Variants in DHTKD1 observed in about 807,000 individuals in gnomAD.
DHTKD1 encodes the protein 2-oxoadipate dehydrogenase complex component E1.
DHTKD1 carries 78 observed loss-of-function variants against 101.8 expected under a neutral mutation model. The observed-to-expected ratio is 0.77, with a 90% CI of 0.64 to 0.93. The LOEUF is 0.93. DHTKD1 is among the 40% of genes least tolerant of loss of function. DHTKD1 has a pLI of 0.00. For missense variants in DHTKD1, 1,223 were observed against 1,161.7 expected, an observed-to-expected ratio of 1.05 and a Z score of -0.77; for synonymous variants, 462 against 450.3, an observed-to-expected ratio of 1.03 and a Z score of -0.33.
chr10:12,116,942 C>G (rs1833426567), intron 13 of DHTKD1, among the ~76,000 whole-genome samples: 1 of 151,954 alleles, frequency 6.6e-6, no homozygotes. Context: ...TTCAAGCAAT[C>G]CACCTGCCTC....
chr10:12,096,597 G>A (rs918775070), intron 7 of DHTKD1, among the ~76,000 whole-genome samples: 5 of 152,160 alleles, frequency 3.3e-5, no homozygotes, highest in Non-Finnish European at 7.4e-5. Context: ...CCATCTGCCC[G>A]TCTCGGCCTC....
chr10:12,077,707 G>A (rs562572854), intron 1 of DHTKD1, among the ~76,000 whole-genome samples: 5 of 152,314 alleles, frequency 3.3e-5, no homozygotes, highest in South Asian at 2.1e-4. Flanking sequence ...GAGGGCCTAC[G>A]TTTGTCTTCA....
At chr10:12,075,933 G>T (rs973726278) in intron 1 of DHTKD1, among the ~76,000 whole-genome samples, 1 of 144,432 alleles carries the variant, frequency 6.9e-6, no homozygotes. Flanking sequence ...GACAGAGCGA[G>T]ACTCTGTCTC....
chr10:12,094,480 C>T (rs142040879), intron 7 of DHTKD1, among the ~76,000 whole-genome samples: 18 of 152,052 alleles, frequency 1.2e-4, no homozygotes, highest in Admixed American at 3.9e-4. Context: ...GGATTACAGG[C>T]GTGTGCCACC....
At chr10:12,071,080 A>G (rs1832643637) in intron 1 of DHTKD1, among the ~76,000 whole-genome samples, 1 of 152,162 alleles carries the variant, frequency 6.6e-6, no homozygotes, top group Admixed American at 6.6e-5. Context: ...AATGCCATAT[A>G]TATTTTTAGG....
intron 7 of DHTKD1, 179 bp downstream of exon 7, chr10:12,094,450 C>T: frequency 1.6e-6 from 1 of 632,402 alleles, no homozygotes; most frequent in Non-Finnish European, 2.8e-6. Flanking sequence ...ATCCTCTTGC[C>T]TCAACCTCCC....
chr10:12,079,027 C>T (rs965341609), intron 1 of DHTKD1, among the ~76,000 whole-genome samples: 2 of 152,076 alleles, frequency 1.3e-5, no homozygotes, highest in Non-Finnish European at 2.9e-5. Context: ...GGGGGGAGAT[C>T]GCTCAGAGAG....
At chr10:12,108,092 A>T in intron 12 of DHTKD1, 77 bp downstream of exon 12, 1 of 1,026,128 alleles carries the variant, frequency 9.7e-7, no homozygotes, top group Non-Finnish European at 1.5e-6. Flanking sequence ...CGGATAGCTT[A>T]ACGCCCACCT....
At position 12,098,128 on chromosome 10, in the gene DHTKD1, T is replaced by G. The variant is rs926907862; in HGVS notation, c.1671+132T>G. 1.7e-5 allele frequency: 14 copies of G among 816,328 alleles called. No homozygotes were observed. In the African/African-American group the frequency reaches 2.1e-4, roughly 12 times the overall value. The allele number at this position is 816,328 out of a possible 1,614,324, so 50.6% of individuals were successfully genotyped here. On this transcript the variant is annotated intron_variant, in intron 8 of 16. Coordinates refer to ENST00000263035, the MANE Select transcript of DHTKD1 (RefSeq NM_018706.7). ...TTGTGTGTCGTTAGGTTCTAGAAAC[T>G]GATCCTAGTGTTGTTTTGGTACTGA... is the stretch of plus-strand genomic sequence containing the variant.
At chr10:12,097,580 T>G (rs1312439803) in intron 7 of DHTKD1, 104 bp from the exon 8 acceptor site, 1 of 1,065,216 alleles carries the variant, frequency 9.4e-7, no homozygotes, top group Non-Finnish European at 1.3e-6. Context: ...GTCGAATGCC[T>G]TTTTAGAGTG....
At chr10:12,082,908 G>T (rs1024579461) in intron 2 of DHTKD1, among the ~76,000 whole-genome samples, 1 of 151,858 alleles carries the variant, frequency 6.6e-6, no homozygotes, top group South Asian at 2.1e-4. Context: ...AGGCCGAGGC[G>T]GGCAGATCAC....
chr10:12,101,182 G>T lies in DHTKD1; in HGVS notation c.1896+1G>T. The T allele has an allele frequency of 6.2e-7, 1 of 1,611,228 alleles. No homozygotes were observed. Among genetic ancestry groups the T allele is most frequent in the Non-Finnish European group, 8.5e-7 (1 of 1,179,240 alleles). On this transcript the variant is annotated splice_donor_variant, in intron 10 of 16. Coordinates refer to ENST00000263035, the MANE Select transcript of DHTKD1 (RefSeq NM_018706.7). LOFTEE classifies it high-confidence loss of function. ...CCCAAATCAGAAGGGGTTTCTAGAG[G>T]TGAGATGTTTCTATAGCTGTTGTAA...
intron 5 of DHTKD1, among the ~76,000 whole-genome samples, chr10:12,090,979 C>G (rs7073177): frequency 0.75 from 113,199 of 151,940 alleles, 42,647 homozygotes; most frequent in South Asian, 0.87. Flanking sequence ...GCGTGAACCC[C>G]GGAGGCGGAG....
At position 12,069,185 on chromosome 10, in the gene DHTKD1, C is replaced by G. The variant is rs768842115; in HGVS notation, c.152C>G (p.Pro51Arg). The G allele has an allele frequency of 4.5e-6, 7 of 1,547,362 alleles. No individual in the cohort carries two copies. The South Asian group carries it at 5.9e-5, about 13-fold the overall frequency. ...CCCCAGGGCGCCCTGGAGCGCCCCC[C>G]AGGTCGGGGATGGGGCCCGGGCGGT... ...REPQGALERP[P>R]VDHGLARLVT... Residue 51 changes from proline to arginine, a missense_variant and splice_region_variant, in exon 1 of 17, where the codon CCA becomes CGA. Coordinates refer to ENST00000263035, the MANE Select transcript of DHTKD1 (RefSeq NM_018706.7).
rs1833034016 is a variant in DHTKD1, at chr10:12,094,179, T to A, written c.1266T>A (p.Asp422Glu). The A allele has an allele frequency of 1.2e-6, 2 of 1,614,140 alleles. No homozygotes were observed. The highest frequency in any genetic ancestry group is 1.7e-5 in the Admixed American group (1 of 60,006). ...AFEYQRQFRK[D>E]VIIDLLCYRQ... The stretch of plus-strand genomic sequence containing the variant: ...AATACCAACGCCAGTTCCGCAAGGA[T>A]GTGATTATTGATCTGTTGTGCTACA... Residue 422 changes from aspartate to glutamate, a missense_variant, in exon 7 of 17, where the codon GAT (aspartate) becomes GAA (glutamate). Physicochemically the swap from Asp to Glu is conservative, Grantham distance 45. Coordinates refer to ENST00000263035, the MANE Select transcript of DHTKD1 (RefSeq NM_018706.7).
rs1564393956 is a variant in DHTKD1 at position 12,097,768 on chromosome 10, A to G, written c.1443A>G (p.Lys481=). 2 of 1,614,212 alleles carry G rather than the reference A, an allele frequency of 1.2e-6. No individual in the cohort carries two copies. Among genetic ancestry groups the G allele is most frequent in the Non-Finnish European group, 1.7e-6 (2 of 1,180,022 alleles). ...LMTQEEVSEI[K]SSYYAKLNDH... is the part of the protein sequence containing the mutation. The stretch of plus-strand genomic sequence containing the variant: ...CGCAGGAGGAGGTGTCTGAAATAAA[A>G]TCCTCCTACTATGCCAAGTTGAATG... The change falls in exon 8 of 17, where the codon AAA becomes AAG. Residue 481 remains lysine, a synonymous_variant. Transcript: ENST00000263035.
At chr10:12,114,403 TCTCCTGCCTCAGCCTCCTGAGTAG>T (rs766701273) in intron 13 of DHTKD1, among the ~76,000 whole-genome samples, 24 of 151,936 alleles carry the variant, frequency 1.6e-4, no homozygotes, top group Non-Finnish European at 2.5e-4. Flanking sequence ...TTCAAGCGAT[TCTCCTGCCTCAGCCTCCTGAGTAG>T]CTGGGATTAT....
chr10:12,076,541 T>G (rs1832734407), intron 1 of DHTKD1, among the ~76,000 whole-genome samples: 1 of 149,062 alleles, frequency 6.7e-6, no homozygotes, highest in South Asian at 2.1e-4. Flanking sequence ...AAGCAAAAAA[T>G]AGCAAATCTG....
Position 12,107,563 on chromosome 10 carries a change from A to AT in DHTKD1, c.2048-345dup, listed in dbSNP as rs1491095801. ...CTCCCGAGTAGCTGGGACTACAGAC[A>AT]TGTGCCACTACAGCTGGCTAATTTT... On this transcript the variant is annotated intron_variant, in intron 11 of 16. Coordinates refer to ENST00000263035, the MANE Select transcript of DHTKD1 (RefSeq NM_018706.7). This position sits in a 1 kb window ranked among gnomAD's most constrained non-coding sequence, Gnocchi z 4.1. Among the ~76,000 whole-genome samples, 1 of 151,824 alleles carries AT rather than the reference A, an allele frequency of 6.6e-6. No individual in the cohort carries two copies. Among genetic ancestry groups the AT allele is most frequent in the East Asian group, 1.9e-4 (1 of 5,144 alleles).
Sources: gnomAD v4.1 joint callset for allele counts (sites outside exome capture counted in the v4.1 genomes callset) on GRCh38, gnomAD v4.1.1 for gene constraint, Gnocchi (gnomAD v3.1) non-coding constraint, MANE v1.5 for transcripts, NCBI Gene and HGNC (gene_info 2026-07-23, HGNC 2026-07-21) for gene names.